RLN2: variants seen among roughly 807,000 people sequenced by gnomAD.
RLN2 encodes the protein relaxin 2.
A neutral mutation model predicts 7.3 loss-of-function variants in RLN2; 10 were observed. The observed-to-expected ratio is 1.36, with a 90% CI of 0.84 to 2.31. The LOEUF (loss-of-function observed/expected upper bound fraction) is 2.31. Among genes scored for constraint, RLN2 ranks in the 30% most tolerant of loss-of-function variants. The pLI is 0.00. For synonymous variants in RLN2, 103 were observed against 82.3 expected (o/e 1.25, Z -1.36); for missense variants, 298 against 217.6 (o/e 1.37, Z -2.32).
At chr9:5,323,344 G>C in the RLN2 span, among the ~76,000 whole-genome samples, 1 of 151,846 alleles carries the variant, frequency 6.6e-6, no homozygotes, top group Non-Finnish European at 1.5e-5. Flanking sequence ...AAACCTCAAA[G>C]GGTACACAGA....
upstream of RLN2, among the ~76,000 whole-genome samples, chr9:5,306,522 C>T (rs945156081): frequency 6.6e-6 from 1 of 152,094 alleles, no homozygotes; most frequent in African/African-American, 2.4e-5. Flanking sequence ...TTGGCCAGCA[C>T]ATATGCCAGA....
At chr9:5,302,095 G>C (rs10975044) in intron 1 of RLN2, among the ~76,000 whole-genome samples, 8,705 of 152,196 alleles carry the variant, frequency 0.057, 340 homozygotes, top group South Asian at 0.12. Flanking sequence ...CTTAAAGCCA[G>C]TTAAATGAGT....
chr9:5,302,194 G>T (rs1337345680), intron 1 of RLN2, among the ~76,000 whole-genome samples: 1 of 152,076 alleles, frequency 6.6e-6, no homozygotes, highest in African/African-American at 2.4e-5. Context: ...AACCTGTTTT[G>T]AAATATTTCA....
At chr9:5,338,281 G>A in the RLN2 span, among the ~76,000 whole-genome samples, 17 of 33,942 alleles carry the variant, frequency 5.0e-4, no homozygotes, top group African/African-American at 2.0e-3. Flanking sequence ...ATTCCTAGAC[G>A]TTGTGGTATT....
chr9:5,336,965 C>T, the RLN2 span, among the ~76,000 whole-genome samples: 44 of 152,042 alleles, frequency 2.9e-4, 1 homozygote, highest in South Asian at 8.3e-3. Context: ...CAAACTTCAA[C>T]AGTTGGAGTT....
chr9:5,307,115 A>G (rs1816265113), upstream of RLN2, among the ~76,000 whole-genome samples: 1 of 151,980 alleles, frequency 6.6e-6, no homozygotes, highest in Admixed American at 6.6e-5. Flanking sequence ...GAGGGTGGGA[A>G]TAGCCTGCTG....
upstream of RLN2, among the ~76,000 whole-genome samples, chr9:5,308,939 CT>C (rs1816300105): frequency 6.6e-6 from 1 of 152,118 alleles, no homozygotes; most frequent in Admixed American, 6.5e-5. Context: ...CACGGCCCCT[CT>C]TATTCAGTCT....
chr9:5,314,891 T>C, the RLN2 span, among the ~76,000 whole-genome samples: 1 of 151,044 alleles, frequency 6.6e-6, no homozygotes, highest in Non-Finnish European at 1.5e-5. Flanking sequence ...CCCTATTGGC[T>C]CCGTTTCCCA....
upstream of RLN2, among the ~76,000 whole-genome samples, chr9:5,306,137 T>C (rs1816248185): frequency 1.3e-5 from 2 of 149,372 alleles, no homozygotes. Flanking sequence ...TAACAGAATT[T>C]GGCTCTTGTC....
chr9:5,319,761 G>C, the RLN2 span, among the ~76,000 whole-genome samples: 1 of 151,982 alleles, frequency 6.6e-6, no homozygotes, highest in Non-Finnish European at 1.5e-5. Flanking sequence ...CTGGACAGTA[G>C]TTCTGACCAT....
Position 5,300,295 on chromosome 9 carries a change from C to A in RLN2, c.361G>T (p.Asp121Tyr). Residue 121 changes from aspartate to tyrosine, a missense_variant, in exon 2 of 2, where the codon GAT (aspartate) becomes TAT (tyrosine). Asp to Tyr is a radical substitution (Grantham distance 160). Transcript: ENST00000381627. Reference protein sequence around the residue: ...QLQQHVPVLKDSSLLFEEFKK... With the variant: ...QLQQHVPVLKYSSLLFEEFKK... ...AATTCTTCAAAGAGAAGACTGGAAT[C>A]TTTTAATACAGGTACATGTTGTTGT... The A allele has an allele frequency of 1.9e-6, 3 of 1,614,010 alleles. No individual in the cohort carries two copies. The highest frequency in any genetic ancestry group is 1.7e-6 in the Non-Finnish European group (2 of 1,179,936).
At chr9:5,311,879 GGTTA>G in the RLN2 span, among the ~76,000 whole-genome samples, 2 of 150,784 alleles carry the variant, frequency 1.3e-5, no homozygotes, top group Non-Finnish European at 2.9e-5. Context: ...ACATTGTGCA[GGTTA>G]GTTACATATG....
At chr9:5,309,123 G>T (rs1816302906), upstream of RLN2, among the ~76,000 whole-genome samples, 1 of 151,980 alleles carries the variant, frequency 6.6e-6, no homozygotes, top group African/African-American at 2.4e-5. Context: ...ACTCCAACAG[G>T]GTGAATAGGA....
At chr9:5,339,273 C>A in the RLN2 span, 2 of 325,900 alleles carry the variant, frequency 6.1e-6, no homozygotes, top group Non-Finnish European at 1.0e-5. Context: ...GAAAGGGCAC[C>A]AAGGAACTCT....
chr9:5,306,102 GTTTTTTGT>G (rs1210019909), upstream of RLN2, among the ~76,000 whole-genome samples: 9 of 123,462 alleles, frequency 7.3e-5, no homozygotes, highest in African/African-American at 2.6e-4. Context: ...CTTTGTTTTT[GTTTTTTGT>G]TTTTTTTTTT....
chr9:5,336,069 C>T, the RLN2 span, among the ~76,000 whole-genome samples: 1 of 152,050 alleles, frequency 6.6e-6, no homozygotes, highest in Admixed American at 6.6e-5. Flanking sequence ...CTCAATGTTT[C>T]GTGGTGGGAA....
chr9:5,314,337 A>C, the RLN2 span, among the ~76,000 whole-genome samples: 2 of 151,936 alleles, frequency 1.3e-5, no homozygotes, highest in Admixed American at 6.6e-5. Context: ...GCTGCAGTGG[A>C]GATGCTCCAC....
chr9:5,318,483 G>C, the RLN2 span, among the ~76,000 whole-genome samples: 8 of 151,916 alleles, frequency 5.3e-5, no homozygotes, highest in East Asian at 1.9e-4. Context: ...AATATGGTAA[G>C]TGTAAATAAT....
At chr9:5,312,403 C>T in the RLN2 span, among the ~76,000 whole-genome samples, 1 of 151,998 alleles carries the variant, frequency 6.6e-6, no homozygotes, top group Admixed American at 6.6e-5. Flanking sequence ...GAAGTGGTTC[C>T]GTTTCTAGAT....
Sources: allele counts gnomAD v4.1 joint callset (sites outside exome capture counted in the v4.1 genomes callset), GRCh38; gene constraint gnomAD v4.1.1; transcripts MANE v1.5; gene names NCBI Gene and HGNC (gene_info 2026-07-23, HGNC 2026-07-21).